The following MARK2 variants were observed in gnomAD, a reference collection of about 807,000 sequenced individuals.
MARK2 encodes serine/threonine-protein kinase MARK2.
A neutral mutation model predicts 89.8 loss-of-function variants in MARK2; 16 were observed. That is an observed-to-expected ratio of 0.18 (90% CI 0.12 to 0.27). MARK2 has a LOEUF of 0.27. Ranked by LOEUF, MARK2 falls within the 10% of genes least tolerant of loss-of-function variation. MARK2 has a pLI of 1.00. For synonymous variants in MARK2, 382 were observed against 399.5 expected (o/e 0.96, Z 0.52); for missense variants, 621 against 1,049.9 (o/e 0.59, Z 5.65).
At chr11:63,905,126 G>A (rs1941222356) in intron 16 of MARK2, 83 bp downstream of exon 16, 9 of 1,437,588 alleles carry the variant, frequency 6.3e-6, no homozygotes, top group Non-Finnish European at 8.6e-6. Flanking sequence ...TTGGGGGTTG[G>A]GGTTTGGGAC....
chr11:63,856,369 C>T (rs1342703802), intron 1 of MARK2, among the ~76,000 whole-genome samples: 2 of 116,372 alleles, frequency 1.7e-5, no homozygotes, highest in Non-Finnish European at 3.8e-5. Flanking sequence ...TTTTTCTCCC[C>T]TTTTTTCTTT....
At chr11:63,851,190 G>T (rs542235802) in intron 1 of MARK2, among the ~76,000 whole-genome samples, 6 of 152,192 alleles carry the variant, frequency 3.9e-5, no homozygotes, top group Non-Finnish European at 8.8e-5. Flanking sequence ...GTCTCTGTTG[G>T]TTGCTTGTTT....
At position 63,909,516 on chromosome 11, in the gene MARK2, C is replaced by T. The variant is rs1023845140; in HGVS notation, c.*279C>T. The T allele has an allele frequency of 2.9e-6, 1 of 350,254 alleles. No individual in the cohort carries two copies. Among genetic ancestry groups the T allele is most frequent in the Non-Finnish European group, 5.2e-6 (1 of 193,112 alleles). 21.7% of individuals were successfully genotyped at this position (350,254 alleles called of 1,614,324 possible). A position where few individuals can be genotyped will look rare whatever the true frequency, so the allele number is the denominator to read the frequency against. ...AGGGTGGATGGGGGGGCAGGGCTCC[C>T]CCTCGGTACTGCGGTTGCACAGAGT... On this transcript the variant is annotated 3_prime_UTR_variant, in exon 19 of 19. Transcript: ENST00000402010.
Position 63,904,675 on chromosome 11 carries a change from C to T in MARK2, c.1677-111C>T. The stretch of plus-strand genomic sequence containing the variant: ...TCCTTCTGTGTCCTCGTGATGGCTG[C>T]CTCTGCCCTAGCATCCCCCTCCCTG... On this transcript the variant is annotated intron_variant, in intron 15 of 18. Coordinates refer to ENST00000402010, the MANE Select transcript of MARK2 (RefSeq NM_001039469.3). The surrounding 1 kb of genome is among the most constrained non-coding windows in gnomAD (Gnocchi z 6.3). 1 of 859,098 alleles carries T rather than the reference C, an allele frequency of 1.2e-6. No individual in the cohort carries two copies. Among genetic ancestry groups the T allele is most frequent in the Non-Finnish European group, 1.9e-6 (1 of 515,432 alleles). 53.2% of individuals were successfully genotyped at this position (859,098 alleles called of 1,614,324 possible).
At position 63,899,055 on chromosome 11, in the gene MARK2, G is replaced by A. The variant is rs1452364750; in HGVS notation, c.478G>A (p.Val160Met). The A allele has an allele frequency of 1.2e-6, 2 of 1,610,610 alleles. No individual in the cohort carries two copies. Among genetic ancestry groups the A allele is most frequent in the Non-Finnish European group, 1.7e-6 (2 of 1,177,248 alleles). Residue 160 changes from valine (V) to methionine (M), a missense_variant, in exon 7 of 19, where the codon GTG becomes ATG. This residue lies in a region of MARK2 where 82 missense variants were observed against 287.7 expected (regional missense o/e 0.29). Transcript: ENST00000402010. The part of the protein sequence containing the change: ...KEARAKFRQI[V>M]SAVQYCHQKF... The stretch of plus-strand genomic sequence containing the variant: ...AACCCTTCTTCCTTCCTTTCAGATA[G>A]TGTCTGCTGTGCAGTACTGTCACCA...
chr11:63,904,449 C>G lies in MARK2; in HGVS notation c.1676+302C>G, dbSNP rs889373278. ...GGGACCCCGGGGATAGTCGGCATCACAGGGACTCAATCCTCAAGGGTTGGT... is the reference window on the plus strand; with the variant it reads ...GGGACCCCGGGGATAGTCGGCATCAGAGGGACTCAATCCTCAAGGGTTGGT... On this transcript the variant is annotated intron_variant, in intron 15 of 18. Transcript: ENST00000402010. The surrounding 1 kb of genome is among the most constrained non-coding windows in gnomAD (Gnocchi z 6.3). Among the ~76,000 whole-genome samples the G allele has an allele frequency of 1.3e-5, 2 of 152,166 alleles. No individual in the cohort carries two copies. The highest frequency in any genetic ancestry group is 4.8e-5 in the African/African-American group (2 of 41,430).
intron 3 of MARK2, 27 bp downstream of exon 3, chr11:63,895,660 T>A (rs1290075558): frequency 2.9e-5 from 2 of 68,468 alleles, no homozygotes; most frequent in Non-Finnish European, 2.1e-5. Context: ...TCCTGTCCCT[T>A]TTTTTTTTTT....
At chr11:63,857,079 G>A (rs1453839955) in intron 1 of MARK2, among the ~76,000 whole-genome samples, 2 of 152,044 alleles carry the variant, frequency 1.3e-5, no homozygotes, top group Non-Finnish European at 2.9e-5. Flanking sequence ...CCAAAGTGCT[G>A]GGATTGCAGG....
At position 63,852,194 on chromosome 11, in the gene MARK2, A is replaced by G. The variant is rs76092207; in HGVS notation, c.54+12634A>G. On this transcript the variant is annotated intron_variant, in intron 1 of 18. Coordinates refer to ENST00000402010, the MANE Select transcript of MARK2 (RefSeq NM_001039469.3). ...ATTCTGTATTCTTGTGTTTTCTATA[A>G]TTTTTAAGGTAGTACTTTAAGGTAA... 3.1e-3 allele frequency among the ~76,000 whole-genome samples: 475 copies of G among 152,254 alleles called. 10 individuals carry two copies. The East Asian group carries it at 0.046, about 15-fold the overall frequency.
rs1392222154 is a variant in MARK2 at position 63,904,225 on chromosome 11, C to G, written c.1676+78C>G. Reference sequence around the variant, plus strand: ...CCTTGCCCCAACAATTTCTTCTTCCCACTTGGGGGTCCTGCTGTGTTCTTG... The same window carrying G: ...CCTTGCCCCAACAATTTCTTCTTCCGACTTGGGGGTCCTGCTGTGTTCTTG... On this transcript the variant is annotated intron_variant, in intron 15 of 18. Coordinates refer to ENST00000402010, the MANE Select transcript of MARK2 (RefSeq NM_001039469.3). This position sits in a 1 kb window ranked among gnomAD's most constrained non-coding sequence, Gnocchi z 6.3. 12 of 1,281,790 alleles carry G rather than the reference C, an allele frequency of 9.4e-6. No homozygotes were observed. Among genetic ancestry groups the G allele is most frequent in the Non-Finnish European group, 1.3e-5 (12 of 949,326 alleles). The allele number at this position is 1,281,790 out of a possible 1,614,324, so 79.4% of individuals were successfully genotyped here.
intron 1 of MARK2, among the ~76,000 whole-genome samples, chr11:63,849,623 T>G (rs2016463296): frequency 6.6e-6 from 1 of 152,168 alleles, no homozygotes; most frequent in Non-Finnish European, 1.5e-5. Flanking sequence ...TGTGGTGTTG[T>G]ACACCTATAG....
At chr11:63,889,524 G>C (rs1420598460) in intron 1 of MARK2, among the ~76,000 whole-genome samples, 2 of 152,236 alleles carry the variant, frequency 1.3e-5, no homozygotes, top group Admixed American at 1.3e-4. Flanking sequence ...TCAGCGCCAG[G>C]CCTCTCGGGG....
At chr11:63,865,580 A>G (rs1271107566) in intron 1 of MARK2, among the ~76,000 whole-genome samples, 1 of 152,208 alleles carries the variant, frequency 6.6e-6, no homozygotes, top group Non-Finnish European at 1.5e-5. Context: ...AGAGTGTGGC[A>G]GTGCTTTCCT....
chr11:63,861,798 A>G (rs866269628), intron 1 of MARK2, among the ~76,000 whole-genome samples: 1 of 150,068 alleles, frequency 6.7e-6, no homozygotes, highest in Non-Finnish European at 1.5e-5. Context: ...CTAGAGTGCA[A>G]CGGCACGACC....
chr11:63,894,143 A>G (rs1361891906), intron 1 of MARK2, among the ~76,000 whole-genome samples: 2 of 152,242 alleles, frequency 1.3e-5, no homozygotes, highest in African/African-American at 2.4e-5. Context: ...TCATTGTACA[A>G]GTATTCATTG....
chr11:63,857,139 C>T (rs1335438427), intron 1 of MARK2, among the ~76,000 whole-genome samples: 1 of 150,976 alleles, frequency 6.6e-6, no homozygotes, highest in Admixed American at 6.6e-5. Flanking sequence ...TACTCATTTC[C>T]TTTTTGTTCG....
chr11:63,888,531 C>T, intron 1 of MARK2: 2 of 1,021,308 alleles, frequency 2.0e-6, no homozygotes, highest in South Asian at 3.4e-5. Flanking sequence ...CTAAACCCGC[C>T]TCTTTCTCTG....
chr11:63,888,584 CCTTG>C (rs140517468), intron 1 of MARK2: 27,041 of 1,098,934 alleles, frequency 0.025, 384 homozygotes, highest in Non-Finnish European at 0.028. Context: ...TTCCCTCCCA[CCTTG>C]CTTCTGGTGT....
intron 1 of MARK2, among the ~76,000 whole-genome samples, chr11:63,859,337 CGAG>C (rs1937619693): frequency 1.3e-5 from 2 of 150,108 alleles, no homozygotes; most frequent in Non-Finnish European, 3.0e-5. Flanking sequence ...TTTTTTTCCC[CGAG>C]AAGGAGTCCT....
Sources: gnomAD v4.1 joint callset for allele counts (sites outside exome capture counted in the v4.1 genomes callset) on GRCh38, gnomAD v4.1.1 for gene constraint, gnomAD v4.1.1 regional missense constraint, Gnocchi (gnomAD v3.1) non-coding constraint, MANE v1.5 for transcripts, NCBI Gene and HGNC (gene_info 2026-07-23, HGNC 2026-07-21) for gene names.